DISP3: variants seen among roughly 807,000 people sequenced by gnomAD.
The protein encoded by DISP3 is protein dispatched homolog 3.
In DISP3, 101 loss-of-function variants were observed where a neutral mutation model predicts 135.3. The observed-to-expected ratio is 0.75, with a 90% CI of 0.64 to 0.88. The LOEUF (loss-of-function observed/expected upper bound fraction) is 0.88, where lower values mean the gene tolerates loss of function less well. Ranked by LOEUF, DISP3 falls within the 40% of genes least tolerant of loss-of-function variation. The pLI is 0.00. For synonymous variants in DISP3, 856 were observed against 817.0 expected, an observed-to-expected ratio of 1.05 and a Z score of -0.81; for missense variants, 1,713 against 1,878.6, an observed-to-expected ratio of 0.91 and a Z score of 1.63.
At chr1:11,505,526 G>T (rs993135619) in intron 3 of DISP3, among the ~76,000 whole-genome samples, 1 of 152,224 alleles carries the variant, frequency 6.6e-6, no homozygotes, top group African/African-American at 2.4e-5. Flanking sequence ...TCCCATTAGA[G>T]CGTCACAGCA....
intron 3 of DISP3, among the ~76,000 whole-genome samples, chr1:11,512,635 G>A (rs997174449): frequency 5.3e-5 from 8 of 152,136 alleles, no homozygotes; most frequent in African/African-American, 1.9e-4. Context: ...ACATTTTCCT[G>A]TCTTCTTTTG....
chr1:11,523,184 C>T (rs1642297166), intron 10 of DISP3, among the ~76,000 whole-genome samples: 2 of 152,230 alleles, frequency 1.3e-5, no homozygotes, highest in South Asian at 4.1e-4. Context: ...TGGGAACAGC[C>T]TCAGGATGGC....
At chr1:11,527,904 C>A (rs1316940084) in intron 13 of DISP3, among the ~76,000 whole-genome samples, 1 of 152,208 alleles carries the variant, frequency 6.6e-6, no homozygotes, top group Non-Finnish European at 1.5e-5. Flanking sequence ...ATACGTCACC[C>A]ACTGCTCTCC....
chr1:11,519,641 T>G lies in DISP3; in HGVS notation c.2039-78T>G. Reference sequence around the variant, plus strand: ...CCTGTGGGCTTCCTCACCAGGCATCTGGGCTTCCCTGGAAGCGAGCGTGGA... The same window carrying G: ...CCTGTGGGCTTCCTCACCAGGCATCGGGGCTTCCCTGGAAGCGAGCGTGGA... On this transcript the variant is annotated intron_variant, in intron 8 of 20. Coordinates refer to ENST00000294484, the MANE Select transcript of DISP3 (RefSeq NM_020780.2). This position sits in a 1 kb window ranked among gnomAD's most constrained non-coding sequence, Gnocchi z 4.3. The G allele has an allele frequency of 6.4e-7, 1 of 1,574,340 alleles. No homozygotes were observed. The highest frequency in any genetic ancestry group is 8.6e-7 in the Non-Finnish European group (1 of 1,158,824).
At chr1:11,521,777 G>A (rs1224955647) in intron 10 of DISP3, among the ~76,000 whole-genome samples, 1 of 152,156 alleles carries the variant, frequency 6.6e-6, no homozygotes, top group Admixed American at 6.5e-5. Flanking sequence ...ACATTTGAGA[G>A]AGGCAGCTGC....
intron 3 of DISP3, among the ~76,000 whole-genome samples, chr1:11,512,090 T>C (rs561712184): frequency 6.6e-6 from 1 of 152,202 alleles, no homozygotes; most frequent in Admixed American, 6.5e-5. Context: ...TGAAACCAAT[T>C]CTTCCTCCTG....
rs1008402764 is a variant in DISP3, at chr1:11,529,856, C to T, written c.2999C>T (p.Ala1000Val). ...GTGAACACGGGCTGCGGGAAGCCGG[C>T]GGTGCGGCCACTAGTGGATACCGGG... ...PCVNTGCGKP[A>V]VRPLVDTGAM... The change falls in exon 15 of 21, where the codon GCG (alanine) becomes GTG (valine). Residue 1000 changes from alanine (A) to valine (V), a missense_variant. By Grantham distance (64) the Ala-to-Val change is moderately conservative. This residue lies in a region of DISP3 where 1,142 missense variants were observed against 1,384.6 expected (regional missense o/e 0.82). Coordinates refer to ENST00000294484, the MANE Select transcript of DISP3 (RefSeq NM_020780.2). The surrounding 1 kb of genome is among the most constrained non-coding windows in gnomAD (Gnocchi z 4.7). 1.2e-5 allele frequency: 19 copies of T among 1,613,910 alleles called. No homozygotes were observed. The African/African-American group carries it at 1.2e-4, about 10-fold the overall frequency.
intron 1 of DISP3, among the ~76,000 whole-genome samples, chr1:11,493,506 C>T (rs182039033): frequency 1.3e-5 from 2 of 152,228 alleles, no homozygotes; most frequent in African/African-American, 4.8e-5. Context: ...GGGCGGATCA[C>T]TTGAGGTAGG....
intron 1 of DISP3, among the ~76,000 whole-genome samples, chr1:11,493,464 C>T (rs1641242580): frequency 1.3e-5 from 2 of 152,190 alleles, no homozygotes; most frequent in Admixed American, 6.5e-5. Flanking sequence ...GTGGCTCACT[C>T]CTGTAATCCT....
intron 18 of DISP3, 40 bp from the exon 19 acceptor site, chr1:11,534,971 C>A (rs1284838647): frequency 6.6e-7 from 1 of 1,524,070 alleles, no homozygotes; most frequent in Admixed American, 2.0e-5. Flanking sequence ...GCTGCGACCG[C>A]CCACACAGCA....
chr1:11,518,067 A>G (rs1165231642), intron 7 of DISP3, among the ~76,000 whole-genome samples: 1 of 152,188 alleles, frequency 6.6e-6, no homozygotes. Flanking sequence ...TGAACGGGTC[A>G]GTTCAGAGTT....
chr1:11,497,368 C>G (rs981431112), intron 1 of DISP3, among the ~76,000 whole-genome samples: 5 of 151,888 alleles, frequency 3.3e-5, no homozygotes, highest in South Asian at 2.1e-4. Context: ...ACCCTTCCCC[C>G]CAAGTCCCCA....
chr1:11,480,280 C>G (rs2100339313), intron 1 of DISP3, among the ~76,000 whole-genome samples: 1 of 152,282 alleles, frequency 6.6e-6, no homozygotes, highest in Admixed American at 6.5e-5. Flanking sequence ...CAGCGCCTCG[C>G]GGCCGCCCTA....
intron 7 of DISP3, 94 bp downstream of exon 7, chr1:11,517,696 G>T (rs189926154): frequency 1.4e-6 from 2 of 1,462,330 alleles, no homozygotes; most frequent in Non-Finnish European, 1.9e-6. Flanking sequence ...AAAGCCTTCT[G>T]TATGACCAGT....
chr1:11,486,181 T>C (rs762583957), intron 1 of DISP3, among the ~76,000 whole-genome samples: 4 of 152,188 alleles, frequency 2.6e-5, no homozygotes, highest in African/African-American at 4.8e-5. Flanking sequence ...TTTCCTTCCA[T>C]GTAGACACAG....
rs756237438 is a variant in DISP3, at chr1:11,501,466, G to A, written c.474G>A (p.Gln158=). The A allele has an allele frequency of 1.2e-6, 2 of 1,603,976 alleles. No individual in the cohort carries two copies. Among genetic ancestry groups the A allele is most frequent in the Non-Finnish European group, 1.7e-6 (2 of 1,175,634 alleles). The part of the protein sequence containing the change: ...LQRLISEQLQ[Q]LHLGNRSRQA... ...GCCTTATCTCAGAGCAGCTGCAGCA[G>A]CTGCATCTCGGCAACCGCTCGCGGC... The change falls in exon 2 of 21, where the codon CAG becomes CAA. Residue 158 remains glutamine, a synonymous_variant. Transcript: ENST00000294484. This position sits in a 1 kb window ranked among gnomAD's most constrained non-coding sequence, Gnocchi z 4.9.
intron 10 of DISP3, among the ~76,000 whole-genome samples, chr1:11,522,860 A>ACCCAGCCAGGG (rs1642274948): frequency 3.8e-5 from 2 of 52,380 alleles, no homozygotes; most frequent in African/African-American, 9.7e-5. Context: ...CCCAGCCAGG[A>ACCCAGCCAGGG]CCCAGCCAGA....
intron 1 of DISP3, among the ~76,000 whole-genome samples, chr1:11,488,157 C>T (rs1438717349): frequency 6.6e-6 from 1 of 152,068 alleles, no homozygotes; most frequent in African/African-American, 2.4e-5. Flanking sequence ...GTTCCTGGGG[C>T]CCTGAGCCTC....
intron 3 of DISP3, among the ~76,000 whole-genome samples, chr1:11,507,874 C>G (rs932467799): frequency 1.3e-5 from 2 of 152,170 alleles, no homozygotes; most frequent in African/African-American, 4.8e-5. Flanking sequence ...AGAAGATACT[C>G]TATAAATGCT....
Sources: gnomAD v4.1 joint callset for allele counts (sites outside exome capture counted in the v4.1 genomes callset) on GRCh38, gnomAD v4.1.1 for gene constraint, gnomAD v4.1.1 regional missense constraint, Gnocchi (gnomAD v3.1) non-coding constraint, MANE v1.5 for transcripts, NCBI Gene and HGNC (gene_info 2026-07-23, HGNC 2026-07-21) for gene names.